SHTN1: variants seen among roughly 807,000 people sequenced by gnomAD.
SHTN1 encodes the protein shootin 1.
A neutral mutation model predicts 83.1 loss-of-function variants in SHTN1; 42 were observed. The ratio of observed to expected loss-of-function variants is 0.51; its 90% CI spans 0.39 to 0.65. The LOEUF (loss-of-function observed/expected upper bound fraction) is 0.65, where lower values mean the gene tolerates loss of function less well. Among genes scored for constraint, SHTN1 ranks in the 30% least tolerant of loss-of-function variants. The pLI is 0.00. For synonymous variants in SHTN1, 224 were observed against 247.7 expected, an observed-to-expected ratio of 0.90 and a Z score of 0.90; for missense variants, 622 against 737.8, an observed-to-expected ratio of 0.84 and a Z score of 1.82.
chr10:116,917,573 A>G (rs1848421593), intron 12 of SHTN1, among the ~76,000 whole-genome samples: 1 of 152,240 alleles, frequency 6.6e-6, no homozygotes, highest in South Asian at 2.1e-4. Context: ...GAAGAGCTGC[A>G]TGGTGATAGG....
chr10:117,102,532 G>A lies in SHTN1; in HGVS notation c.-189+23775C>T, dbSNP rs1025686057. ...GCTTCCTGGGATCTGAAAATTAGCA[G>A]GAGCTCACCCTCCAGCTTCCTGTCC... On this transcript the variant is annotated intron_variant, in intron 1 of 17. Transcript: ENST00000392901. Among the ~76,000 whole-genome samples, 4 of 152,090 alleles carry A rather than the reference G, an allele frequency of 2.6e-5. No homozygotes were observed. The East Asian group carries it at 7.7e-4, about 29-fold the overall frequency.
chr10:117,067,388 C>T lies in SHTN1; in HGVS notation c.-188-18878G>A, dbSNP rs963839384. On this transcript the variant is annotated intron_variant, in intron 1 of 17. Coordinates refer to the SHTN1 transcript ENST00000392901. ...GGTGGATCACTTGAGGTCAGGAGTT[C>T]GAGACCAGCCTAGCCAACATGGGGG... Among the ~76,000 whole-genome samples, 16 of 152,198 alleles carry T rather than the reference C, an allele frequency of 1.1e-4. No individual in the cohort carries two copies. The South Asian group carries it at 2.9e-3, about 28-fold the overall frequency.
Position 117,105,537 on chromosome 10 carries a change from G to A in SHTN1, c.-189+20770C>T, listed in dbSNP as rs545878498. On this transcript the variant is annotated intron_variant, in intron 1 of 17. Transcript: ENST00000392901. ...TTGGCAGAGCCAGCACCAGAATCCTGGTCTTTTTTACTCCTATTTCTAATA... is the reference window on the plus strand; with the variant it reads ...TTGGCAGAGCCAGCACCAGAATCCTAGTCTTTTTTACTCCTATTTCTAATA... Among the ~76,000 whole-genome samples the A allele has an allele frequency of 5.3e-5, 8 of 152,188 alleles. No individual in the cohort carries two copies. In the East Asian group the frequency reaches 1.5e-3, roughly 29 times the overall value.
intron 14 of SHTN1, 135 bp downstream of exon 14, chr10:116,911,655 A>G: frequency 6.4e-7 from 1 of 1,568,686 alleles, no homozygotes; most frequent in Non-Finnish European, 8.7e-7. Flanking sequence ...AGCACGATCA[A>G]ATAAACTGGC....
chr10:117,124,320 G>A (rs528215555), intron 1 of SHTN1, among the ~76,000 whole-genome samples: 1 of 152,192 alleles, frequency 6.6e-6, no homozygotes, highest in African/African-American at 2.4e-5. Context: ...GAATTCAGAG[G>A]AAAAGCTTGA....
At chr10:117,086,794 G>A (rs141591231) in intron 1 of SHTN1, among the ~76,000 whole-genome samples, 58 of 152,256 alleles carry the variant, frequency 3.8e-4, no homozygotes, top group African/African-American at 1.2e-3. Flanking sequence ...AAACAGATAC[G>A]TGGACAGCAA....
At chr10:116,963,638 A>G (rs1371777876) in intron 3 of SHTN1, among the ~76,000 whole-genome samples, 1 of 152,208 alleles carries the variant, frequency 6.6e-6, no homozygotes, top group Non-Finnish European at 1.5e-5. Flanking sequence ...AAATGATATG[A>G]TGACTGGAAT....
Position 116,882,505 on chromosome 10 carries a change from A to C in SHTN1, c.*3839T>G, listed in dbSNP as rs941943472. On this transcript the variant is annotated 3_prime_UTR_variant, in exon 17 of 17. Transcript: ENST00000355371. ...GAGTAGCAGAAATAAATATATTCAGACACAAACATATAGATATAATAATAT... is the reference window on the plus strand; with the variant it reads ...GAGTAGCAGAAATAAATATATTCAGCCACAAACATATAGATATAATAATAT... 6.6e-6 allele frequency: 1 copy of C among 152,084 alleles called. No individual in the cohort carries two copies. Among genetic ancestry groups the C allele is most frequent in the Non-Finnish European group, 1.5e-5 (1 of 68,032 alleles). The allele number at this position is 152,084 out of a possible 1,614,324, so 9.4% of individuals were successfully genotyped here.
chr10:117,090,132 T>C (rs1853407952), intron 1 of SHTN1, among the ~76,000 whole-genome samples: 2 of 152,146 alleles, frequency 1.3e-5, no homozygotes, highest in South Asian at 4.1e-4. Flanking sequence ...AGCAGCACTG[T>C]TACTAACAGC....
intron 5 of SHTN1, 135 bp from the exon 6 acceptor site, chr10:116,952,141 A>G (rs1849802701): frequency 2.4e-6 from 1 of 422,502 alleles, no homozygotes; most frequent in East Asian, 3.7e-5. Flanking sequence ...AAAGAAATGA[A>G]GAACCAAAGG....
intron 2 of SHTN1, among the ~76,000 whole-genome samples, chr10:117,018,555 G>A (rs1852214996): frequency 7.2e-6 from 1 of 139,666 alleles, no homozygotes; most frequent in Non-Finnish European, 1.5e-5. Flanking sequence ...AAGATTGGAT[G>A]TCTGCTCTCA....
intron 1 of SHTN1, among the ~76,000 whole-genome samples, chr10:116,998,015 C>T (rs1564922820): frequency 6.6e-6 from 1 of 152,096 alleles, no homozygotes; most frequent in Non-Finnish European, 1.5e-5. Flanking sequence ...TGGTGTGAAC[C>T]TGGGAGGCGG....
In SHTN1 at chr10:116,885,766, T is replaced by G. The variant is rs1407779819; in HGVS notation, c.*578A>C. The G allele has an allele frequency of 6.6e-6, 1 of 152,614 alleles. No individual in the cohort carries two copies. Among genetic ancestry groups the G allele is most frequent in the Non-Finnish European group, 1.5e-5 (1 of 68,470 alleles). The allele number at this position is 152,614 out of a possible 1,614,324, so 9.5% of individuals were successfully genotyped here. ...ATTTTTCATCCAATAGTTAACAATG[T>G]GTGTAATTAACACTGACTATGGGAC... On this transcript the variant is annotated 3_prime_UTR_variant, in exon 17 of 17. Transcript: ENST00000355371.
At chr10:116,982,969 A>C (rs1453108404) in intron 1 of SHTN1, among the ~76,000 whole-genome samples, 1 of 152,100 alleles carries the variant, frequency 6.6e-6, no homozygotes, top group Non-Finnish European at 1.5e-5. Context: ...TCTCAAAAAA[A>C]AAAAAGAACA....
chr10:117,112,014 G>A (rs1853774995), intron 1 of SHTN1, among the ~76,000 whole-genome samples: 1 of 152,054 alleles, frequency 6.6e-6, no homozygotes, highest in Non-Finnish European at 1.5e-5. Context: ...CACCCAGGCT[G>A]GAGTCCAGTG....
chr10:116,897,863 C>T (rs1847576075), intron 16 of SHTN1, among the ~76,000 whole-genome samples: 1 of 152,134 alleles, frequency 6.6e-6, no homozygotes, highest in South Asian at 2.1e-4. Flanking sequence ...TGTGGACAGG[C>T]ACCGGCTTAG....
intron 1 of SHTN1, among the ~76,000 whole-genome samples, chr10:117,082,540 T>C (rs1477507466): frequency 6.6e-6 from 1 of 151,952 alleles, no homozygotes; most frequent in East Asian, 1.9e-4. Context: ...GTTCTGTAGA[T>C]GTCTATTAGG....
intron 3 of SHTN1, among the ~76,000 whole-genome samples, chr10:116,966,255 G>A (rs1372916190): frequency 6.6e-6 from 1 of 152,032 alleles, no homozygotes; most frequent in Non-Finnish European, 1.5e-5. Flanking sequence ...TGATCCACCC[G>A]CCTCGGCCTC....
At chr10:117,074,378 G>A (rs926748171) in intron 1 of SHTN1, among the ~76,000 whole-genome samples, 1 of 152,156 alleles carries the variant, frequency 6.6e-6, no homozygotes, top group Non-Finnish European at 1.5e-5. Flanking sequence ...GTACCCAACT[G>A]TCAGAATTCA....
Sources: allele counts gnomAD v4.1 joint callset (sites outside exome capture counted in the v4.1 genomes callset), GRCh38; gene constraint gnomAD v4.1.1; transcripts MANE v1.5; gene names NCBI Gene and HGNC (gene_info 2026-07-23, HGNC 2026-07-21).